The following NELFCD variants were observed in gnomAD, a reference collection of about 807,000 sequenced individuals.
NELFCD encodes negative elongation factor complex member C/D.
NELFCD carries 48 observed loss-of-function variants against 72.9 expected under a neutral mutation model. That is an observed-to-expected ratio of 0.66 (90% CI 0.52 to 0.84). The LOEUF is 0.84. Ranked by LOEUF, NELFCD falls within the 40% of genes least tolerant of loss-of-function variation. The pLI is 0.00. For synonymous variants in NELFCD, 297 were observed against 280.6 expected (o/e 1.06, Z -0.59); for missense variants, 538 against 723.8 (o/e 0.74, Z 2.94).
intron 14 of NELFCD, 27 bp from the exon 15 acceptor site, chr20:58,994,615 A>G: frequency 6.3e-7 from 1 of 1,580,304 alleles, no homozygotes; most frequent in South Asian, 1.1e-5. Flanking sequence ...CCTGTTTCTA[A>G]CACAGTCACT....
chr20:58,982,074 A>G (rs1487551252), intron 1 of NELFCD, among the ~76,000 whole-genome samples: 1 of 147,132 alleles, frequency 6.8e-6, no homozygotes, highest in Non-Finnish European at 1.5e-5. Context: ...ATTGAAATGT[A>G]GCTTCTCACG....
In NELFCD at chr20:58,993,299, A is replaced by G; in HGVS notation, c.1345-150A>G. On this transcript the variant is annotated intron_variant, in intron 11 of 14. Transcript: ENST00000652272. The surrounding 1 kb of genome is among the most constrained non-coding windows in gnomAD (Gnocchi z 5.0). Reference sequence around the variant, plus strand: ...CTGCAGAAATTTCTTAACCTCAGTCAAGTGTTACTGGAAGCTGATGGCCCT... The same window carrying G: ...CTGCAGAAATTTCTTAACCTCAGTCGAGTGTTACTGGAAGCTGATGGCCCT... The G allele has an allele frequency of 1.2e-6, 1 of 839,792 alleles. No individual in the cohort carries two copies. The highest frequency in any genetic ancestry group is 1.9e-6 in the Non-Finnish European group (1 of 534,140). 52.0% of individuals were successfully genotyped at this position (839,792 alleles called of 1,614,324 possible). A position where few individuals can be genotyped will look rare whatever the true frequency, so the allele number is the denominator to read the frequency against.
intron 14 of NELFCD, 42 bp downstream of exon 14, chr20:58,994,281 C>T (rs1202151663): frequency 1.9e-6 from 3 of 1,599,566 alleles, no homozygotes; most frequent in Non-Finnish European, 2.6e-6. Context: ...TAGAAAATGT[C>T]AGCTGGGCGC....
At chr20:58,989,760 C>T (rs1360962247) in intron 6 of NELFCD, 98 bp from the exon 7 acceptor site, 41 of 1,605,906 alleles carry the variant, frequency 2.6e-5, no homozygotes, top group Non-Finnish European at 3.5e-5. Flanking sequence ...TTCCAGGATG[C>T]TCACTCCCGG....
chr20:58,992,945 A>G lies in NELFCD; in HGVS notation c.1230-53A>G, dbSNP rs986015289. On this transcript the variant is annotated intron_variant, in intron 10 of 14. Coordinates refer to ENST00000652272, the MANE Select transcript of NELFCD (RefSeq NM_198976.4). ...AACTTTCCTTTAATGCTTTTCTAGC[A>G]TATTTTGTGTTTTAAATTGTTTTTT... The G allele has an allele frequency of 5.4e-6, 7 of 1,297,836 alleles. No individual in the cohort carries two copies. In the African/African-American group the frequency reaches 8.7e-5, roughly 16 times the overall value. The allele number at this position is 1,297,836 out of a possible 1,614,324, so 80.4% of individuals were successfully genotyped here.
intron 1 of NELFCD, among the ~76,000 whole-genome samples, chr20:58,983,297 C>T (rs1601209475): frequency 6.6e-6 from 1 of 151,790 alleles, no homozygotes; most frequent in Non-Finnish European, 1.5e-5. Flanking sequence ...CCATCATGTC[C>T]GGCTAATTTT....
intron 9 of NELFCD, 33 bp from the exon 10 acceptor site, chr20:58,991,848 G>A: frequency 1.2e-6 from 2 of 1,610,002 alleles, no homozygotes; most frequent in Non-Finnish European, 1.7e-6. Context: ...TATCTGCCCT[G>A]TCAGGCTCAC....
chr20:58,990,998 A>T lies in NELFCD; in HGVS notation c.877A>T (p.Lys293Ter). The T allele has an allele frequency of 6.2e-7, 1 of 1,614,196 alleles. No homozygotes were observed. The highest frequency in any genetic ancestry group is 8.5e-7 in the Non-Finnish European group (1 of 1,180,034). ...ACQALGAMLS[K>*]GALNPADITV... The stretch of plus-strand genomic sequence containing the variant: ...CCAGGCTCTCGGGGCCATGCTGTCC[A>T]AAGGAGCCCTGAACCCTGCTGACAT... Residue 293 changes from lysine (K) to a stop codon, truncating the protein, a stop_gained, in exon 8 of 15, where the codon AAA becomes TAA. Coordinates refer to ENST00000652272, the MANE Select transcript of NELFCD (RefSeq NM_198976.4). LOFTEE classifies it high-confidence loss of function.
chr20:58,989,143 T>G, intron 5 of NELFCD, 122 bp downstream of exon 5: 1 of 722,744 alleles, frequency 1.4e-6, no homozygotes, highest in Non-Finnish European at 2.3e-6. Flanking sequence ...TTGTTTTATT[T>G]TCATAAGCCT....
At chr20:58,987,664 A>C in intron 3 of NELFCD, 44 bp from the exon 4 acceptor site, 1 of 1,511,600 alleles carries the variant, frequency 6.6e-7, no homozygotes, top group Non-Finnish European at 9.2e-7. Context: ...CCACACAGTG[A>C]ATGGACAGCT....
At chr20:58,985,868 G>A (rs1404386676) in intron 1 of NELFCD, among the ~76,000 whole-genome samples, 1 of 152,078 alleles carries the variant, frequency 6.6e-6, no homozygotes, top group Non-Finnish European at 1.5e-5. Flanking sequence ...CATGGAACGC[G>A]GTTTGCCAGG....
chr20:58,983,842 A>T (rs1184118990), intron 1 of NELFCD, among the ~76,000 whole-genome samples: 1 of 152,196 alleles, frequency 6.6e-6, no homozygotes, highest in Non-Finnish European at 1.5e-5. Flanking sequence ...TTGTGCAGTC[A>T]GACCTAGACC....
In NELFCD at chr20:58,992,003, A is replaced by G. The variant is rs756530023; in HGVS notation, c.1212A>G (p.Thr404=). 5 of 1,614,048 alleles carry G rather than the reference A, an allele frequency of 3.1e-6. No homozygotes were observed. The highest frequency in any genetic ancestry group is 8.5e-7 in the Non-Finnish European group (1 of 1,180,010). The part of the protein sequence containing the change: ...GASELVAELS[T]LYQCIRFPVV... ...CTGAACTAGTGGCAGAATTGAGCAC[A>G]CTTTATCAGTGTATTAGGTAAGCAA... is the stretch of plus-strand genomic sequence containing the variant. Residue 404 remains threonine (T), a synonymous_variant, in exon 10 of 15, where the codon ACA becomes ACG. Coordinates refer to ENST00000652272, the MANE Select transcript of NELFCD (RefSeq NM_198976.4).
chr20:58,986,363 T>TA lies in NELFCD; in HGVS notation c.176+158dup. ...CCCTCTGCCACTTTTTTTTTTTTTTTAAATTTTTTTAAGACAGAGTCTTGC... is the reference window on the plus strand; with the variant it reads ...CCCTCTGCCACTTTTTTTTTTTTTTTAAAATTTTTTTAAGACAGAGTCTTGC... On this transcript the variant is annotated intron_variant, in intron 2 of 14. Coordinates refer to ENST00000652272, the MANE Select transcript of NELFCD (RefSeq NM_198976.4). This position sits in a 1 kb window ranked among gnomAD's most constrained non-coding sequence, Gnocchi z 4.4. 4 of 571,640 alleles carry TA rather than the reference T, an allele frequency of 7.0e-6. No individual in the cohort carries two copies. The highest frequency in any genetic ancestry group is 6.5e-5 in the South Asian group (3 of 46,094). 35.4% of individuals were successfully genotyped at this position (571,640 alleles called of 1,614,324 possible).
chr20:58,993,838 C>G lies in NELFCD; in HGVS notation c.1581+74C>G, dbSNP rs1452066708. ...CTGCCCTTTTTGGCTTAATTTAGTT[C>G]ATTTTGTACCTAACTGAGAACTGTG... is the stretch of plus-strand genomic sequence containing the variant. On this transcript the variant is annotated intron_variant, in intron 13 of 14. Transcript: ENST00000652272. This position sits in a 1 kb window ranked among gnomAD's most constrained non-coding sequence, Gnocchi z 5.0. 1 of 1,489,436 alleles carries G rather than the reference C, an allele frequency of 6.7e-7. No homozygotes were observed. Among genetic ancestry groups the G allele is most frequent in the Non-Finnish European group, 9.2e-7 (1 of 1,084,060 alleles). The allele number at this position is 1,489,436 out of a possible 1,614,324, so 92.3% of individuals were successfully genotyped here.
chr20:58,991,169 T>C, intron 8 of NELFCD, 94 bp downstream of exon 8: 1 of 1,547,860 alleles, frequency 6.5e-7, no homozygotes, highest in Non-Finnish European at 8.8e-7. Context: ...TGAATGCAAA[T>C]CCATCATTGT....
Position 58,991,683 on chromosome 20 carries a change from G to A in NELFCD, c.1090-198G>A, listed in dbSNP as rs192335362. 4.6e-4 allele frequency: 345 copies of A among 742,550 alleles called. 2 individuals are homozygous for A. The highest frequency in any genetic ancestry group is 8.1e-5 in the East Asian group (3 of 37,040). 46.0% of individuals were successfully genotyped at this position (742,550 alleles called of 1,614,324 possible). ...GACTAAAGAAATGAAACTGATTTCC[G>A]TAAGACATGGACAAACACTAGTCTC... On this transcript the variant is annotated intron_variant, in intron 9 of 14. Transcript: ENST00000652272.
rs1176932098 is a variant in NELFCD at position 58,993,147 on chromosome 20, G to T, written c.1344+35G>T. The stretch of plus-strand genomic sequence containing the variant: ...CGGAGAGCTGTTCACAGCCTACACA[G>T]TGTCTGTCTCATGCTGTTTACGTTG... On this transcript the variant is annotated intron_variant, in intron 11 of 14. Coordinates refer to ENST00000652272, the MANE Select transcript of NELFCD (RefSeq NM_198976.4). The surrounding 1 kb of genome is among the most constrained non-coding windows in gnomAD (Gnocchi z 5.0). The T allele has an allele frequency of 6.9e-7, 1 of 1,451,666 alleles. No homozygotes were observed. Among genetic ancestry groups the T allele is most frequent in the Non-Finnish European group, 9.7e-7 (1 of 1,031,704 alleles). The allele number at this position is 1,451,666 out of a possible 1,614,324, so 89.9% of individuals were successfully genotyped here. A position where few individuals can be genotyped will look rare whatever the true frequency, so the allele number is the denominator to read the frequency against.
In NELFCD at chr20:58,987,191, C is replaced by G. The variant is rs573739705; in HGVS notation, c.286+328C>G. The G allele has an allele frequency of 1.5e-4, 42 of 289,546 alleles. No homozygotes were observed. In the South Asian group the frequency reaches 2.0e-3, roughly 13 times the overall value. The allele number at this position is 289,546 out of a possible 1,614,324, so 17.9% of individuals were successfully genotyped here. The stretch of plus-strand genomic sequence containing the variant: ...TTTTCAAGACGTCTATTACAGCAAG[C>G]AGTAAATGACGGATAATTTAGGACT... On this transcript the variant is annotated intron_variant, in intron 3 of 14. Coordinates refer to ENST00000652272, the MANE Select transcript of NELFCD (RefSeq NM_198976.4).
Sources: gnomAD v4.1 joint callset for allele counts (sites outside exome capture counted in the v4.1 genomes callset) on GRCh38, gnomAD v4.1.1 for gene constraint, Gnocchi (gnomAD v3.1) non-coding constraint, MANE v1.5 for transcripts, NCBI Gene and HGNC (gene_info 2026-07-23, HGNC 2026-07-21) for gene names.